DOCK6: variants seen among roughly 807,000 people sequenced by gnomAD.
DOCK6 encodes the protein dedicator of cytokinesis protein 6.
DOCK6 carries 167 observed loss-of-function variants against 230.3 expected under a neutral mutation model. The ratio of observed to expected loss-of-function variants is 0.73; its 90% CI spans 0.64 to 0.82. The LOEUF is 0.82. Among genes scored for constraint, DOCK6 ranks in the 40% least tolerant of loss-of-function variants. The pLI, the probability that DOCK6 is intolerant of heterozygous loss-of-function variation, is 0.00. For synonymous variants in DOCK6, 1,148 were observed against 1,185.0 expected (o/e 0.97, Z 0.64); for missense variants, 2,598 against 2,825.8 (o/e 0.92, Z 1.83).
In DOCK6 at chr19:11,202,293, A is replaced by T; in HGVS notation, c.5451+101T>A. 1 of 1,461,494 alleles carries T rather than the reference A, an allele frequency of 6.8e-7. No homozygotes were observed. The highest frequency in any genetic ancestry group is 2.5e-5 in the East Asian group (1 of 40,786). 90.5% of individuals were successfully genotyped at this position (1,461,494 alleles called of 1,614,324 possible). On this transcript the variant is annotated intron_variant, in intron 43 of 47. Coordinates refer to ENST00000294618, the MANE Select transcript of DOCK6 (RefSeq NM_020812.4). The surrounding 1 kb of genome is among the most constrained non-coding windows in gnomAD (Gnocchi z 5.3). ...TTTTGGGGTCCCTCAGTGAAATATG[A>T]TTTGGGGTTTCCCAGAGAAAGAGGA... is the stretch of plus-strand genomic sequence containing the variant.
chr19:11,199,627 T>C (rs1568659845), intron 47 of DOCK6, 88 bp from the exon 48 acceptor site: 2 of 1,371,060 alleles, frequency 1.5e-6, no homozygotes, highest in Non-Finnish European at 2.0e-6. Context: ...CTCCTCCTCC[T>C]CGTCTTCCTC....
chr19:11,226,692 C>A (rs2079670446), intron 24 of DOCK6, among the ~76,000 whole-genome samples: 1 of 152,096 alleles, frequency 6.6e-6, no homozygotes, highest in Non-Finnish European at 1.5e-5. Context: ...ATGATACGAT[C>A]CACATAAAAT....
Position 11,252,182 on chromosome 19 carries a change from G to C in DOCK6, c.444C>G (p.Gly148=), listed in dbSNP as rs576291183. The change falls in exon 5 of 48, where the codon GGC becomes GGG. Residue 148 remains glycine, a synonymous_variant. Transcript: ENST00000294618. The part of the protein sequence containing the change: ...TTDTQRERQK[G]LPRQVFEQDA... ...CCTGCTCAAAGACCTGGCGGGGGAG[G>C]CCCTTCTGTCGCTCCCGCTGTGTGT... is the stretch of plus-strand genomic sequence containing the variant. 102 of 1,583,670 alleles carry C rather than the reference G, an allele frequency of 6.4e-5. No individual in the cohort carries two copies. The Middle Eastern group carries it at 1.2e-3, about 18-fold the overall frequency.
At position 11,262,405 on chromosome 19, in the gene DOCK6, C is replaced by A. The variant is rs1304768839; in HGVS notation, c.36G>T (p.Lys12Asn). The change falls in exon 1 of 48, where the codon AAG (lysine) becomes AAT (asparagine). Residue 12 changes from lysine (K) to asparagine (N), a missense_variant. Lys to Asn is a moderately conservative substitution (Grantham distance 94, BLOSUM62 0). Transcript: ENST00000294618. ...AASERRAFAHKINRTVAAEVR... is the reference protein window; with the variant it reads ...AASERRAFAHNINRTVAAEVR... ...CCCCGCGGCCACACTACCTGTTGAT[C>A]TTGTGCGCGAAGGCGCGGCGCTCGG... The A allele has an allele frequency of 2.1e-5, 27 of 1,280,680 alleles. No homozygotes were observed. Among genetic ancestry groups the A allele is most frequent in the Admixed American group, 3.3e-5 (1 of 30,060 alleles). The allele number at this position is 1,280,680 out of a possible 1,614,324, so 79.3% of individuals were successfully genotyped here. A position where few individuals can be genotyped will look rare whatever the true frequency, so the allele number is the denominator to read the frequency against.
At chr19:11,227,196 C>A in intron 24 of DOCK6, 141 bp downstream of exon 24, 1 of 1,178,146 alleles carries the variant, frequency 8.5e-7, no homozygotes, top group Non-Finnish European at 1.2e-6. Context: ...AAGAAACAGA[C>A]AATGAATGAA....
chr19:11,201,864 C>A lies in DOCK6; in HGVS notation c.5688+25G>T. The A allele has an allele frequency of 6.5e-7, 1 of 1,529,956 alleles. No homozygotes were observed. The highest frequency in any genetic ancestry group is 1.2e-5 in the South Asian group (1 of 83,372). 94.8% of individuals were successfully genotyped at this position (1,529,956 alleles called of 1,614,324 possible). A position where few individuals can be genotyped will look rare whatever the true frequency, so the allele number is the denominator to read the frequency against. On this transcript the variant is annotated intron_variant, in intron 44 of 47. Transcript: ENST00000294618. The surrounding 1 kb of genome is among the most constrained non-coding windows in gnomAD (Gnocchi z 4.3). ...TGATGTCCCCTCACCTCCCCACCCC[C>A]GCCAGGCCCAGGATCCCCACCCACC...
intron 22 of DOCK6, 178 bp from the exon 23 acceptor site, chr19:11,229,213 C>G: frequency 7.7e-7 from 1 of 1,292,094 alleles, no homozygotes; most frequent in Non-Finnish European, 1.0e-6. Flanking sequence ...CCAGACCCCC[C>G]TGGACTCTGG....
Position 11,199,390 on chromosome 19 carries a change from G to A in DOCK6, c.*107C>T. On this transcript the variant is annotated 3_prime_UTR_variant, in exon 48 of 48. Coordinates refer to ENST00000294618, the MANE Select transcript of DOCK6 (RefSeq NM_020812.4). ...CAGAGGGCCCAGCCCCAAGTACAGT[G>A]TGGTCACCCCACAGCCCAGTGGGCA... is the stretch of plus-strand genomic sequence containing the variant. 1 of 1,338,544 alleles carries A rather than the reference G, an allele frequency of 7.5e-7. No individual in the cohort carries two copies. Among genetic ancestry groups the A allele is most frequent in the East Asian group, 2.5e-5 (1 of 39,786 alleles). The allele number at this position is 1,338,544 out of a possible 1,614,324, so 82.9% of individuals were successfully genotyped here.
chr19:11,246,651 G>A (rs1008674053), intron 7 of DOCK6, among the ~76,000 whole-genome samples: 6 of 152,084 alleles, frequency 3.9e-5, no homozygotes, highest in African/African-American at 7.2e-5. Flanking sequence ...CCCTTGTTCC[G>A]TTGGCATGGG....
chr19:11,236,986 T>TG lies in DOCK6; in HGVS notation c.2074-108dup. The TG allele has an allele frequency of 2.5e-6, 3 of 1,215,980 alleles. No individual in the cohort carries two copies. Among genetic ancestry groups the TG allele is most frequent in the African/African-American group, 1.5e-5 (1 of 66,104 alleles). 75.3% of individuals were successfully genotyped at this position (1,215,980 alleles called of 1,614,324 possible). On this transcript the variant is annotated intron_variant, in intron 18 of 47. Coordinates refer to ENST00000294618, the MANE Select transcript of DOCK6 (RefSeq NM_020812.4). The surrounding 1 kb of genome is among the most constrained non-coding windows in gnomAD (Gnocchi z 5.2). ...ACTGCAGCGTGAGTGTAGCCCGGTC[T>TG]GGGGGTGCAGCCAAGCACCCTGCCC...
At chr19:11,254,659 G>C (rs968471966) in intron 1 of DOCK6, among the ~76,000 whole-genome samples, 1 of 151,330 alleles carries the variant, frequency 6.6e-6, no homozygotes, top group African/African-American at 2.4e-5. Flanking sequence ...CCCAACCTGG[G>C]CAACAGAGCA....
At chr19:11,206,903 G>A (rs1212396932) in intron 39 of DOCK6, among the ~76,000 whole-genome samples, 1 of 151,750 alleles carries the variant, frequency 6.6e-6, no homozygotes, top group Admixed American at 6.6e-5. Flanking sequence ...GAGTGCAGTG[G>A]GCATGATCTC....
chr19:11,248,397 TG>T (rs2080068948), intron 6 of DOCK6, among the ~76,000 whole-genome samples: 1 of 151,982 alleles, frequency 6.6e-6, no homozygotes, highest in Non-Finnish European at 1.5e-5. Context: ...ATATAGTAGG[TG>T]TCCATATATA....
Position 11,235,720 on chromosome 19 carries a change from A to T in DOCK6, c.2432T>A (p.Val811Glu). Reference sequence around the variant, plus strand: ...CAGGCTCCGGTGAACAAGGCTGACTACATGGGCCATTGCTTCAAAGGCTCC... The same window carrying T: ...CAGGCTCCGGTGAACAAGGCTGACTTCATGGGCCATTGCTTCAAAGGCTCC... ...GRGAFEAMAHVVSLVHRSLEA... is the reference protein window; with the variant it reads ...GRGAFEAMAHEVSLVHRSLEA... The change falls in exon 21 of 48, where the codon GTA becomes GAA. Residue 811 changes from valine to glutamate, a missense_variant. Coordinates refer to ENST00000294618, the MANE Select transcript of DOCK6 (RefSeq NM_020812.4). The T allele has an allele frequency of 1.3e-6, 2 of 1,599,524 alleles. No homozygotes were observed. Among genetic ancestry groups the T allele is most frequent in the Non-Finnish European group, 1.7e-6 (2 of 1,172,718 alleles).
chr19:11,222,401 T>A lies in DOCK6; in HGVS notation c.3241-153A>T. The A allele has an allele frequency of 8.7e-7, 1 of 1,143,230 alleles. No individual in the cohort carries two copies. Among genetic ancestry groups the A allele is most frequent in the Middle Eastern group, 3.0e-4 (1 of 3,364 alleles). 70.8% of individuals were successfully genotyped at this position (1,143,230 alleles called of 1,614,324 possible). A position where few individuals can be genotyped will look rare whatever the true frequency, so the allele number is the denominator to read the frequency against. On this transcript the variant is annotated intron_variant, in intron 26 of 47. Coordinates refer to ENST00000294618, the MANE Select transcript of DOCK6 (RefSeq NM_020812.4). The surrounding 1 kb of genome is among the most constrained non-coding windows in gnomAD (Gnocchi z 4.0). ...AGTCATCTGGAGGTGACAGTGGGCA[T>A]GGGTTTCAAGGCCAGAAGTGAGGGG... is the stretch of plus-strand genomic sequence containing the variant.
intron 32 of DOCK6, among the ~76,000 whole-genome samples, chr19:11,214,874 C>G (rs1024633779): frequency 6.6e-6 from 1 of 151,806 alleles, no homozygotes; most frequent in African/African-American, 2.4e-5. Flanking sequence ...CTCCCAGGCT[C>G]AAGTCATTCT....
chr19:11,243,858 C>A lies in DOCK6; in HGVS notation c.1048G>T (p.Asp350Tyr). 6.2e-7 allele frequency: 1 copy of A among 1,612,354 alleles called. No homozygotes were observed. The highest frequency in any genetic ancestry group is 8.5e-7 in the Non-Finnish European group (1 of 1,179,296). ...TAAGGCTCACAGCACTCACTGATGTCCCCTTGCTGAAGCACCTTCTCCAAC... is the reference window on the plus strand; with the variant it reads ...TAAGGCTCACAGCACTCACTGATGTACCCTTGCTGAAGCACCTTCTCCAAC... ...IKLEKVLQQG[D>Y]ISECCEPYMV... Residue 350 changes from aspartate (D) to tyrosine (Y), a missense_variant, in exon 10 of 48, where the codon GAC (aspartate) becomes TAC (tyrosine). Coordinates refer to ENST00000294618, the MANE Select transcript of DOCK6 (RefSeq NM_020812.4). The surrounding 1 kb of genome is among the most constrained non-coding windows in gnomAD (Gnocchi z 6.3).
chr19:11,247,751 C>G, intron 7 of DOCK6: 1 of 265,408 alleles, frequency 3.8e-6, no homozygotes, highest in Non-Finnish European at 7.4e-6. Flanking sequence ...GTTGTATGGT[C>G]TTGGCGTCAT....
chr19:11,248,809 A>G (rs1165963348), intron 6 of DOCK6, among the ~76,000 whole-genome samples: 1 of 152,196 alleles, frequency 6.6e-6, no homozygotes, highest in Non-Finnish European at 1.5e-5. Context: ...TATATCCCCA[A>G]TGCCAACAAT....
Sources: gnomAD v4.1 joint callset for allele counts (sites outside exome capture counted in the v4.1 genomes callset) on GRCh38, gnomAD v4.1.1 for gene constraint, Gnocchi (gnomAD v3.1) non-coding constraint, MANE v1.5 for transcripts, NCBI Gene and HGNC (gene_info 2026-07-23, HGNC 2026-07-21) for gene names.